The following ELAVL3 variants were observed in gnomAD, a reference collection of about 807,000 sequenced individuals.
The protein encoded by ELAVL3 is ELAV-like protein 3.
A neutral mutation model predicts 34.2 loss-of-function variants in ELAVL3; 8 were observed. The observed-to-expected ratio is 0.23, with a 90% CI of 0.14 to 0.42. The LOEUF is 0.42. Among genes scored for constraint, ELAVL3 ranks in the 10% least tolerant of loss-of-function variants. ELAVL3 has a pLI of 1.00. For synonymous variants in ELAVL3, 209 were observed against 222.1 expected, an observed-to-expected ratio of 0.94 and a Z score of 0.53; for missense variants, 273 against 518.8, an observed-to-expected ratio of 0.53 and a Z score of 4.60.
chr19:11,468,981 G>A (rs1971110733), intron 1 of ELAVL3, among the ~76,000 whole-genome samples: 1 of 152,094 alleles, frequency 6.6e-6, no homozygotes, highest in Non-Finnish European at 1.5e-5. Context: ...GTGCAGTAGG[G>A]CAATCTTGGT....
intron 1 of ELAVL3, among the ~76,000 whole-genome samples, chr19:11,468,938 G>T (rs527297995): frequency 8.5e-4 from 128 of 150,026 alleles, no homozygotes; most frequent in African/African-American, 2.8e-3. Context: ...ATTAATTTTT[G>T]AGACAAGGTC....
chr19:11,457,174 A>T, intron 5 of ELAVL3, 26 bp from the exon 6 acceptor site: 1 of 1,551,852 alleles, frequency 6.4e-7, no homozygotes, highest in Non-Finnish European at 8.7e-7. Flanking sequence ...TGGTGGTCAG[A>T]GGTGGCTTCC....
intron 1 of ELAVL3, among the ~76,000 whole-genome samples, chr19:11,470,127 G>A (rs999921549): frequency 2.0e-5 from 3 of 152,130 alleles, no homozygotes; most frequent in Non-Finnish European, 4.4e-5. Flanking sequence ...GGCTGAGGCA[G>A]GAGGATCACT....
At chr19:11,474,845 T>A (rs1429463524) in intron 1 of ELAVL3, among the ~76,000 whole-genome samples, 3 of 152,166 alleles carry the variant, frequency 2.0e-5, no homozygotes. Flanking sequence ...ATTTTATTTT[T>A]TTGAGACGGA....
At chr19:11,469,142 G>T (rs930995817) in intron 1 of ELAVL3, among the ~76,000 whole-genome samples, 2 of 152,090 alleles carry the variant, frequency 1.3e-5, no homozygotes, top group African/African-American at 2.4e-5. Context: ...TGCCCAGGCT[G>T]GTCTCGAACT....
chr19:11,475,579 C>T (rs1386634783), intron 1 of ELAVL3, among the ~76,000 whole-genome samples: 2 of 151,338 alleles, frequency 1.3e-5, no homozygotes, highest in Non-Finnish European at 2.9e-5. Flanking sequence ...GTTGGGAGTA[C>T]AGGCATGAGT....
At chr19:11,457,438 A>AAAGAT (rs1555731282) in intron 5 of ELAVL3, among the ~76,000 whole-genome samples, 7 of 152,118 alleles carry the variant, frequency 4.6e-5, no homozygotes, top group Non-Finnish European at 1.0e-4. Context: ...ATCCCTGGGG[A>AAAGAT]AAGATAACTC....
chr19:11,480,530 C>A lies in ELAVL3; in HGVS notation c.9+70G>T. The stretch of plus-strand genomic sequence containing the variant: ...TCCTACCCCCCCCGCCGCACCCGCC[C>A]AATCTCCGCGGAGCCTGGGCCCAAC... On this transcript the variant is annotated intron_variant, in intron 1 of 6. Transcript: ENST00000359227. The surrounding 1 kb of genome is among the most constrained non-coding windows in gnomAD (Gnocchi z 6.8). The A allele has an allele frequency of 6.8e-7, 1 of 1,478,514 alleles. No homozygotes were observed. Among genetic ancestry groups the A allele is most frequent in the Non-Finnish European group, 9.0e-7 (1 of 1,115,300 alleles). 91.6% of individuals were successfully genotyped at this position (1,478,514 alleles called of 1,614,324 possible).
chr19:11,457,937 G>T, intron 5 of ELAVL3, 124 bp downstream of exon 5: 2 of 1,000,152 alleles, frequency 2.0e-6, no homozygotes, highest in Non-Finnish European at 2.9e-6. Flanking sequence ...TGACAGATAG[G>T]CTCCTTGGCT....
At chr19:11,477,262 TG>T (rs1764905119) in intron 1 of ELAVL3, among the ~76,000 whole-genome samples, 1 of 152,150 alleles carries the variant, frequency 6.6e-6, no homozygotes, top group Admixed American at 6.6e-5. Flanking sequence ...ATTTGCATCC[TG>T]GTTCATTAAG....
chr19:11,463,776 C>G (rs956215944), intron 3 of ELAVL3, among the ~76,000 whole-genome samples: 2 of 152,008 alleles, frequency 1.3e-5, no homozygotes, highest in Non-Finnish European at 2.9e-5. Flanking sequence ...TCAAGACCAT[C>G]CTGACCAACA....
chr19:11,456,137 ACT>A (rs1187746411), intron 6 of ELAVL3, among the ~76,000 whole-genome samples: 1 of 147,242 alleles, frequency 6.8e-6, no homozygotes, highest in African/African-American at 2.5e-5. Context: ...ACGGAATCTC[ACT>A]CTGTCGCCCA....
Position 11,466,661 on chromosome 19 carries a change from AAG to A in ELAVL3, c.174_175del (p.Phe59ArgfsTer30). On this transcript the variant is annotated frameshift_variant, in exon 2 of 7. Transcript: ENST00000359227. LOFTEE classifies it high-confidence loss of function. This position sits in a 1 kb window ranked among gnomAD's most constrained non-coding sequence, Gnocchi z 5.0. ...GGACTCGATGTCGCCAATGCTGCCGAAGAGACTCTTGAACTCATCCTGGGTCA... is the reference window on the plus strand; with the variant it reads ...GGACTCGATGTCGCCAATGCTGCCGAAGACTCTTGAACTCATCCTGGGTCA... 6.2e-7 allele frequency: 1 copy of A among 1,614,180 alleles called. No individual in the cohort carries two copies. The highest frequency in any genetic ancestry group is 8.5e-7 in the Non-Finnish European group (1 of 1,180,028).
rs1970705564 is a variant in ELAVL3, at chr19:11,453,778, C to T, written c.*748G>A. 6.6e-6 allele frequency: 1 copy of T among 152,120 alleles called. No individual in the cohort carries two copies. The highest frequency in any genetic ancestry group is 2.1e-4 in the South Asian group (1 of 4,804). The allele number at this position is 152,120 out of a possible 1,614,324, so 9.4% of individuals were successfully genotyped here. ...GCTGCTAGCCCCTAAGCCCTGCTCC[C>T]TGGGCCCCCCCCACCCCCGCCCCAG... is the stretch of plus-strand genomic sequence containing the variant. On this transcript the variant is annotated 3_prime_UTR_variant, in exon 7 of 7. Transcript: ENST00000359227.
chr19:11,465,177 CAT>C (rs747457647), intron 3 of ELAVL3, among the ~76,000 whole-genome samples: 86 of 142,564 alleles, frequency 6.0e-4, no homozygotes, highest in Non-Finnish European at 9.3e-4. Flanking sequence ...ACCACACACA[CAT>C]ACACGTAATA....
chr19:11,468,247 A>G (rs969993769), intron 1 of ELAVL3, among the ~76,000 whole-genome samples: 1 of 151,738 alleles, frequency 6.6e-6, no homozygotes, highest in Non-Finnish European at 1.5e-5. Flanking sequence ...TCCCCTTGCC[A>G]CCCCCAGTTT....
At position 11,466,394 on chromosome 19, in the gene ELAVL3, G is replaced by T; in HGVS notation, c.230-119C>A. The T allele has an allele frequency of 9.3e-7, 1 of 1,080,186 alleles. No homozygotes were observed. Among genetic ancestry groups the T allele is most frequent in the South Asian group, 1.4e-5 (1 of 72,732 alleles). The allele number at this position is 1,080,186 out of a possible 1,614,324, so 66.9% of individuals were successfully genotyped here. ...AGTTTCCACCTTCCTGTTTCCAGAT[G>T]ACACCTTCGATGCTAGAGTCCCACC... On this transcript the variant is annotated intron_variant, in intron 2 of 6. Transcript: ENST00000359227. The surrounding 1 kb of genome is among the most constrained non-coding windows in gnomAD (Gnocchi z 5.0).
intron 1 of ELAVL3, among the ~76,000 whole-genome samples, chr19:11,473,514 C>G (rs1001054492): frequency 2.0e-5 from 3 of 152,222 alleles, no homozygotes; most frequent in Non-Finnish European, 2.9e-5. Flanking sequence ...CCATCCCTGA[C>G]TCAAGCTCCA....
Position 11,480,733 on chromosome 19 carries a change from T to G in ELAVL3, c.-125A>C. 1.1e-6 allele frequency: 1 copy of G among 947,718 alleles called. No individual in the cohort carries two copies. Among genetic ancestry groups the G allele is most frequent in the Non-Finnish European group, 1.4e-6 (1 of 690,900 alleles). 58.7% of individuals were successfully genotyped at this position (947,718 alleles called of 1,614,324 possible). A position where few individuals can be genotyped will look rare whatever the true frequency, so the allele number is the denominator to read the frequency against. On this transcript the variant is annotated 5_prime_UTR_variant, in exon 1 of 7. Transcript: ENST00000359227. The surrounding 1 kb of genome is among the most constrained non-coding windows in gnomAD (Gnocchi z 6.8). The stretch of plus-strand genomic sequence containing the variant: ...CGGCCTCTGGTGCGGCCGCTGCAGA[T>G]GTGGCGATGAAGGCGGCGGCTCCCT...
Sources: allele counts gnomAD v4.1 joint callset (sites outside exome capture counted in the v4.1 genomes callset), GRCh38; gene constraint gnomAD v4.1.1; non-coding constraint Gnocchi (gnomAD v3.1); transcripts MANE v1.5; gene names NCBI Gene and HGNC (gene_info 2026-07-23, HGNC 2026-07-21).